The following GXYLT2 variants were observed in gnomAD, a reference collection of about 807,000 sequenced individuals.
GXYLT2 encodes the protein glycosyltransferase 8 domain containing 4.
GXYLT2 carries 53 observed loss-of-function variants against 45.8 expected under a neutral mutation model. The ratio of observed to expected loss-of-function variants is 1.16; its 90% CI spans 0.93 to 1.46. The LOEUF is 1.46. Among genes scored for constraint, GXYLT2 ranks in the 40% most tolerant of loss-of-function variants. The pLI, the probability that GXYLT2 is intolerant of heterozygous loss-of-function variation, is 0.00. For missense variants in GXYLT2, 551 were observed against 544.4 expected (o/e 1.01, Z -0.12); for synonymous variants, 219 against 214.2 (o/e 1.02, Z -0.19).
chr3:72,907,771 G>A (rs950514789), intron 1 of GXYLT2, among the ~76,000 whole-genome samples: 1 of 152,198 alleles, frequency 6.6e-6, no homozygotes, highest in South Asian at 2.1e-4. Flanking sequence ...TTGGCGAGAC[G>A]GTCAGGATTA....
intron 3 of GXYLT2, among the ~76,000 whole-genome samples, chr3:72,942,402 T>A (rs1401879659): frequency 6.6e-6 from 1 of 152,110 alleles, no homozygotes; most frequent in East Asian, 1.9e-4. Flanking sequence ...ACCATAGTAA[T>A]AATTACTGCG....
At chr3:72,963,167 A>AAAAAAT (rs980540387) in intron 5 of GXYLT2, among the ~76,000 whole-genome samples, 1 of 151,834 alleles carries the variant, frequency 6.6e-6, no homozygotes, top group Non-Finnish European at 1.5e-5. Context: ...AAAAATACAT[A>AAAAAAT]AAAAATAAAA....
At chr3:72,890,889 G>A (rs963436584) in intron 1 of GXYLT2, among the ~76,000 whole-genome samples, 2 of 152,044 alleles carry the variant, frequency 1.3e-5, no homozygotes, top group Admixed American at 6.6e-5. Context: ...TTTAAAACTG[G>A]GGAAGGAGTA....
rs1181664685 is a variant in GXYLT2 at position 72,912,008 on chromosome 3, TATATA to T, written c.468+3450_468+3454del. Among the ~76,000 whole-genome samples the T allele has an allele frequency of 1.4e-4, 18 of 130,298 alleles. 1 individual carries two copies. The highest frequency in any genetic ancestry group is 9.0e-4 in the South Asian group (4 of 4,464). The allele number at this position is 130,298 out of a possible 152,430, so 85.5% of individuals were successfully genotyped here. On this transcript the variant is annotated intron_variant, in intron 2 of 6. Coordinates refer to ENST00000389617, the MANE Select transcript of GXYLT2 (RefSeq NM_001080393.2). ...GTGTGTGTGTGTATATATATATATATATATATTTTTTTTTTTTTTTGAGACAGCGT... is the reference window on the plus strand; with the variant it reads ...GTGTGTGTGTGTATATATATATATATTTTTTTTTTTTTTTTGAGACAGCGT...
chr3:72,922,257 C>T lies in GXYLT2; in HGVS notation c.522C>T (p.Pro174=). 2 of 1,613,494 alleles carry T rather than the reference C, an allele frequency of 1.2e-6. No homozygotes were observed. The highest frequency in any genetic ancestry group is 1.7e-6 in the Non-Finnish European group (2 of 1,179,482). ...AGAAGTTTGAGCACAGAATCTACCC[C>T]ATCACATTTTCTGTTGGAAACCCTC... The part of the protein sequence containing the change: ...YTKKFEHRIY[P]ITFSVGNPQE... The change falls in exon 3 of 7, where the codon CCC becomes CCT. Residue 174 remains proline, a synonymous_variant. Coordinates refer to ENST00000389617, the MANE Select transcript of GXYLT2 (RefSeq NM_001080393.2).
intron 3 of GXYLT2, among the ~76,000 whole-genome samples, chr3:72,927,490 G>A (rs1223982319): frequency 2.0e-5 from 3 of 152,280 alleles, no homozygotes; most frequent in African/African-American, 4.8e-5. Flanking sequence ...TGAGTTAGCT[G>A]TAGGCTAATG....
At chr3:72,973,044 C>T (rs1026840314) in intron 6 of GXYLT2, among the ~76,000 whole-genome samples, 2 of 151,944 alleles carry the variant, frequency 1.3e-5, no homozygotes, top group South Asian at 2.1e-4. Flanking sequence ...TGCAGTGAGC[C>T]GTGATTGCCC....
At chr3:72,926,368 G>T (rs898583703) in intron 3 of GXYLT2, among the ~76,000 whole-genome samples, 1 of 152,144 alleles carries the variant, frequency 6.6e-6, no homozygotes, top group African/African-American at 2.4e-5. Context: ...TGTGACTAAT[G>T]GTCCTATGAC....
intron 2 of GXYLT2, among the ~76,000 whole-genome samples, chr3:72,917,441 G>A (rs1709762742): frequency 6.6e-6 from 1 of 152,018 alleles, no homozygotes. Flanking sequence ...TGCCTGGTGT[G>A]GGTTCTAATT....
chr3:72,946,227 C>T (rs768550731), intron 3 of GXYLT2, among the ~76,000 whole-genome samples: 6 of 140,736 alleles, frequency 4.3e-5, no homozygotes, highest in Non-Finnish European at 9.0e-5. Context: ...CAGTGAGCCA[C>T]GATTGTGACA....
chr3:72,959,096 C>G (rs1239559706), intron 5 of GXYLT2, among the ~76,000 whole-genome samples: 2 of 146,224 alleles, frequency 1.4e-5, no homozygotes, highest in Admixed American at 1.4e-4. Context: ...GTGTGCATCA[C>G]CACACCCAGC....
At chr3:72,901,282 C>CT (rs1240022738) in intron 1 of GXYLT2, among the ~76,000 whole-genome samples, 14 of 129,050 alleles carry the variant, frequency 1.1e-4, no homozygotes, top group Admixed American at 4.1e-4. Flanking sequence ...GATCTAGACT[C>CT]TGTCTCAAAA....
chr3:72,899,587 C>A (rs1386402708), intron 1 of GXYLT2, among the ~76,000 whole-genome samples: 1 of 152,130 alleles, frequency 6.6e-6, no homozygotes, highest in Non-Finnish European at 1.5e-5. Context: ...TGTCGGGATT[C>A]ATGCTTTCCA....
chr3:72,898,140 G>T (rs564796225), intron 1 of GXYLT2, among the ~76,000 whole-genome samples: 4 of 152,142 alleles, frequency 2.6e-5, no homozygotes, highest in South Asian at 4.1e-4. Context: ...TGCACTACTT[G>T]TATATGCATT....
intron 3 of GXYLT2, among the ~76,000 whole-genome samples, chr3:72,946,880 G>C (rs1302803983): frequency 3.3e-5 from 5 of 152,122 alleles, no homozygotes; most frequent in African/African-American, 1.2e-4. Context: ...CCTCTGTGCA[G>C]TGGTGTGATC....
chr3:72,942,788 C>A (rs9851754), intron 3 of GXYLT2, among the ~76,000 whole-genome samples: 3,950 of 150,942 alleles, frequency 0.026, 149 homozygotes, highest in African/African-American at 0.091. Context: ...GAAATTGTTA[C>A]AGATTGGAGG....
intron 2 of GXYLT2, among the ~76,000 whole-genome samples, chr3:72,912,015 T>TATATATATA (rs1559731120): frequency 3.1e-3 from 358 of 115,806 alleles, no homozygotes; most frequent in African/African-American, 0.012. Context: ...ATATATATAT[T>TATATATATA]TTTTTTTTTT....
chr3:72,951,186 A>T (rs1277152273), intron 3 of GXYLT2, among the ~76,000 whole-genome samples: 1 of 144,366 alleles, frequency 6.9e-6, no homozygotes, highest in Non-Finnish European at 1.5e-5. Context: ...TGTTATCAAA[A>T]AGTGATTTTT....
chr3:72,931,607 C>G (rs549865500), intron 3 of GXYLT2, among the ~76,000 whole-genome samples: 1 of 152,024 alleles, frequency 6.6e-6, no homozygotes, highest in Non-Finnish European at 1.5e-5. Context: ...AATGAAGATA[C>G]AACATACCAG....
Sources: allele counts gnomAD v4.1 joint callset (sites outside exome capture counted in the v4.1 genomes callset), GRCh38; gene constraint gnomAD v4.1.1; transcripts MANE v1.5; gene names NCBI Gene and HGNC (gene_info 2026-07-23, HGNC 2026-07-21).